ACAD11: variants seen among roughly 807,000 people sequenced by gnomAD.
The protein encoded by ACAD11 is acyl-Coenzyme A dehydrogenase family, member 11.
A neutral mutation model predicts 102.2 loss-of-function variants in ACAD11; 83 were observed. That is an observed-to-expected ratio of 0.81 (90% CI 0.68 to 0.97). The LOEUF is 0.97. Among genes scored for constraint, ACAD11 ranks in the 50% least tolerant of loss-of-function variants. ACAD11 has a pLI of 0.00. For synonymous variants in ACAD11, 324 were observed against 319.8 expected, an observed-to-expected ratio of 1.01 and a Z score of -0.14; for missense variants, 901 against 951.7, an observed-to-expected ratio of 0.95 and a Z score of 0.70.
intron 4 of ACAD11, 98 bp from the exon 5 acceptor site, chr3:132,639,754 C>T (rs936632855): frequency 2.6e-6 from 3 of 1,143,962 alleles, no homozygotes; most frequent in Admixed American, 2.6e-5. Context: ...TGTTTTACTC[C>T]TAAATACTTA....
At position 132,619,462 on chromosome 3, in the gene ACAD11, T is replaced by C. The variant is rs763245697; in HGVS notation, c.1275+6A>G. ...ATGAATTTTCTAGCGTTAAAGATTT[T>C]CTTACCTTGAGTTTATCAATCACTA... is the stretch of plus-strand genomic sequence containing the variant. On this transcript the variant is annotated splice_donor_region_variant and intron_variant, in intron 10 of 19. Transcript: ENST00000264990. The C allele has an allele frequency of 2.6e-5, 40 of 1,565,876 alleles. No individual in the cohort carries two copies. In the Admixed American group the frequency reaches 6.0e-4, roughly 24 times the overall value.
In ACAD11 at chr3:132,631,565, A is replaced by C. The variant is rs183928677; in HGVS notation, c.703-86T>G. The C allele has an allele frequency of 6.5e-6, 7 of 1,075,142 alleles. No homozygotes were observed. In the Admixed American group the frequency reaches 2.3e-4, roughly 36 times the overall value. 66.6% of individuals were successfully genotyped at this position (1,075,142 alleles called of 1,614,324 possible). A position where few individuals can be genotyped will look rare whatever the true frequency, so the allele number is the denominator to read the frequency against. On this transcript the variant is annotated intron_variant, in intron 5 of 19. Coordinates refer to ENST00000264990, the MANE Select transcript of ACAD11 (RefSeq NM_032169.5). Reference sequence around the variant, plus strand: ...AATAAATAACATTGAACACATTCAAAATCATGTTTTCCATCAAAAGTCAAT... The same window carrying C: ...AATAAATAACATTGAACACATTCAACATCATGTTTTCCATCAAAAGTCAAT...
intron 11 of ACAD11, among the ~76,000 whole-genome samples, chr3:132,606,519 G>T (rs1938844847): frequency 6.6e-6 from 1 of 152,076 alleles, no homozygotes; most frequent in African/African-American, 2.4e-5. Flanking sequence ...AAAAAACTTG[G>T]ATAAACTACA....
rs187701964 is a variant in ACAD11, at chr3:132,630,512, C to T, written c.888G>A (p.Arg296=). The T allele has an allele frequency of 9.3e-6, 15 of 1,612,296 alleles. No individual in the cohort carries two copies. In the Admixed American group the frequency reaches 1.7e-4, roughly 18 times the overall value. The stretch of plus-strand genomic sequence containing the variant: ...AGTTAGGAAGAATAGAATTAATTCC[C>T]CTGCAGCGGCAATATATTGAAATCA... ...EELISIYCRC[R]GINSILPNWN... is the part of the protein sequence containing the mutation. The change falls in exon 7 of 20, where the codon AGG becomes AGA. Residue 296 remains arginine (R), a synonymous_variant. Transcript: ENST00000264990.
At chr3:132,624,843 C>T (rs1320406843) in intron 9 of ACAD11, among the ~76,000 whole-genome samples, 3 of 151,622 alleles carry the variant, frequency 2.0e-5, no homozygotes, top group Non-Finnish European at 4.4e-5. Context: ...TGCAGCACGC[C>T]GGGCTAATTT....
chr3:132,655,198 T>C (rs1418196238), intron 1 of ACAD11, among the ~76,000 whole-genome samples: 1 of 152,214 alleles, frequency 6.6e-6, no homozygotes, highest in Non-Finnish European at 1.5e-5. Flanking sequence ...CCCACTCTGG[T>C]CTATGCCACT....
intron 8 of ACAD11, 71 bp from the exon 9 acceptor site, chr3:132,626,888 T>C (rs1371921912): frequency 1.8e-5 from 26 of 1,462,908 alleles, no homozygotes; most frequent in Non-Finnish European, 2.4e-5. Flanking sequence ...ATTTCTAATA[T>C]AATGTGAAGT....
intron 9 of ACAD11, among the ~76,000 whole-genome samples, chr3:132,623,102 T>A (rs1939667466): frequency 6.6e-6 from 1 of 152,226 alleles, no homozygotes; most frequent in Non-Finnish European, 1.5e-5. Flanking sequence ...AATATTTTCA[T>A]AGATAAGGGT....
intron 1 of ACAD11, among the ~76,000 whole-genome samples, chr3:132,649,295 T>C (rs1169431331): frequency 6.6e-6 from 1 of 152,154 alleles, no homozygotes; most frequent in African/African-American, 2.4e-5. Flanking sequence ...GTCTCCTGCC[T>C]GCCCCTGGGA....
intron 13 of ACAD11, among the ~76,000 whole-genome samples, chr3:132,591,085 T>G (rs1044379868): frequency 1.3e-5 from 2 of 152,124 alleles, no homozygotes; most frequent in African/African-American, 4.8e-5. Context: ...TGCCCACCCC[T>G]ATGTCTAGGA....
Position 132,603,385 on chromosome 3 carries a change from T to A in ACAD11, c.1523-58A>T, listed in dbSNP as rs1168689796. 4 of 1,466,238 alleles carry A rather than the reference T, an allele frequency of 2.7e-6. No homozygotes were observed. In the East Asian group the frequency reaches 9.1e-5, roughly 33 times the overall value. The allele number at this position is 1,466,238 out of a possible 1,614,324, so 90.8% of individuals were successfully genotyped here. On this transcript the variant is annotated intron_variant, in intron 12 of 19. Coordinates refer to ENST00000264990, the MANE Select transcript of ACAD11 (RefSeq NM_032169.5). ...GGCAGATATCATCAGTAGACTTAGA[T>A]AAGGATATGAAAACTTTAAAAACAA...
chr3:132,621,836 G>A (rs907608371), intron 9 of ACAD11, among the ~76,000 whole-genome samples: 17 of 152,008 alleles, frequency 1.1e-4, no homozygotes, highest in African/African-American at 3.6e-4. Context: ...AAAATTAGCT[G>A]AGTGTGGTGG....
intron 11 of ACAD11, among the ~76,000 whole-genome samples, chr3:132,607,265 A>G (rs1312173197): frequency 6.6e-6 from 1 of 152,214 alleles, no homozygotes; most frequent in Non-Finnish European, 1.5e-5. Flanking sequence ...AACTGGATGG[A>G]GAATGAGTTT....
In ACAD11 at chr3:132,619,323, A is replaced by G. The variant is rs867371299; in HGVS notation, c.1275+145T>C. 32 of 530,566 alleles carry G rather than the reference A, an allele frequency of 6.0e-5. 2 individuals carry two copies. In the South Asian group the frequency reaches 9.3e-4, roughly 15 times the overall value. The allele number at this position is 530,566 out of a possible 1,614,324, so 32.9% of individuals were successfully genotyped here. A position where few individuals can be genotyped will look rare whatever the true frequency, so the allele number is the denominator to read the frequency against. ...ACCTAGCCTAATTTGTATGTTATAG[A>G]TTCTATTTATTAACTTTCTTTTTTT... is the stretch of plus-strand genomic sequence containing the variant. On this transcript the variant is annotated intron_variant, in intron 10 of 19. Transcript: ENST00000264990.
At chr3:132,587,639 A>G (rs1055371116) in intron 13 of ACAD11, among the ~76,000 whole-genome samples, 2 of 151,950 alleles carry the variant, frequency 1.3e-5, no homozygotes, top group African/African-American at 2.4e-5. Context: ...CTTATTCTTC[A>G]TTGGTTGAGC....
intron 14 of ACAD11, 105 bp from the exon 15 acceptor site, chr3:132,578,986 G>A: frequency 6.5e-7 from 1 of 1,546,992 alleles, no homozygotes; most frequent in Non-Finnish European, 8.7e-7. Flanking sequence ...ATGTAGTCAT[G>A]TAAGCAGTGA....
chr3:132,565,571 C>T (rs900349734), intron 17 of ACAD11, among the ~76,000 whole-genome samples: 1 of 152,130 alleles, frequency 6.6e-6, no homozygotes, highest in South Asian at 2.1e-4. Flanking sequence ...TACCAAAAAC[C>T]TGGAACAATT....
intron 13 of ACAD11, among the ~76,000 whole-genome samples, chr3:132,593,064 T>C (rs1484603639): frequency 2.6e-5 from 4 of 151,610 alleles, no homozygotes; most frequent in Admixed American, 1.3e-4. Context: ...ATAAAAAAAC[T>C]AGAAGAAAAA....
chr3:132,603,154 C>A, intron 13 of ACAD11, 75 bp downstream of exon 13: 2 of 1,217,698 alleles, frequency 1.6e-6, no homozygotes, highest in South Asian at 2.5e-5. Context: ...CACTATGTAT[C>A]ATAGCAATAT....
Sources: gnomAD v4.1 joint callset for allele counts (sites outside exome capture counted in the v4.1 genomes callset) on GRCh38, gnomAD v4.1.1 for gene constraint, MANE v1.5 for transcripts, NCBI Gene and HGNC (gene_info 2026-07-23, HGNC 2026-07-21) for gene names.